CSMD3: variants seen among roughly 807,000 people sequenced by gnomAD.
CSMD3 encodes the protein CUB and Sushi multiple domains 3, also known as CUB and sushi domain-containing protein 3.
In CSMD3, 177 loss-of-function variants were observed where a neutral mutation model predicts 435.2. The ratio of observed to expected loss-of-function variants is 0.41; its 90% CI spans 0.36 to 0.46. The LOEUF (loss-of-function observed/expected upper bound fraction) is 0.46. Ranked by LOEUF, CSMD3 falls within the 20% of genes least tolerant of loss-of-function variation. The probability of loss-of-function intolerance (pLI) is 0.34; values close to 1 mark genes in which losing one functional copy is unlikely to be tolerated. For synonymous variants in CSMD3, 1,656 were observed against 1,520.5 expected (o/e 1.09, Z -2.07); for missense variants, 4,265 against 4,504.6 (o/e 0.95, Z 1.52).
chr8:112,842,894 G>A (rs745536212), intron 11 of CSMD3, among the ~76,000 whole-genome samples: 36 of 151,576 alleles, frequency 2.4e-4, no homozygotes, highest in Non-Finnish European at 4.6e-4. Context: ...TTAAACTCTC[G>A]TGATGTTAAA....
At chr8:113,256,719 C>A (rs2093383737) in intron 3 of CSMD3, among the ~76,000 whole-genome samples, 1 of 152,138 alleles carries the variant, frequency 6.6e-6, no homozygotes, top group Admixed American at 6.5e-5. Context: ...GCAACAATTA[C>A]AACTTTTACT....
intron 27 of CSMD3, among the ~76,000 whole-genome samples, chr8:112,517,704 A>G (rs1823825521): frequency 6.6e-6 from 1 of 152,184 alleles, no homozygotes; most frequent in African/African-American, 2.4e-5. Context: ...TAAAACCACA[A>G]TGAGATACTA....
At chr8:113,227,998 T>C (rs2093046548) in intron 3 of CSMD3, among the ~76,000 whole-genome samples, 2 of 151,618 alleles carry the variant, frequency 1.3e-5, no homozygotes, top group Admixed American at 1.3e-4. Context: ...ATCTGTGTTC[T>C]TAGGTCATTT....
At chr8:113,156,733 T>TAAAC (rs1011559114) in intron 4 of CSMD3, among the ~76,000 whole-genome samples, 2 of 56,188 alleles carry the variant, frequency 3.6e-5, no homozygotes, top group African/African-American at 1.8e-4. Context: ...AAATCTCACC[T>TAAAC]AAATAAATAA....
intron 1 of CSMD3, among the ~76,000 whole-genome samples, chr8:113,430,353 C>T (rs2094664275): frequency 6.7e-6 from 1 of 149,664 alleles, no homozygotes; most frequent in Non-Finnish European, 1.5e-5. Flanking sequence ...CCCTATAAAC[C>T]CCCGATATTG....
intron 32 of CSMD3, among the ~76,000 whole-genome samples, chr8:112,427,794 G>C (rs10097860): frequency 0.44 from 67,369 of 151,888 alleles, 15,616 homozygotes; most frequent in Middle Eastern, 0.61. Context: ...TTCTAAATGT[G>C]TCTTGATTCT....
intron 5 of CSMD3, among the ~76,000 whole-genome samples, chr8:113,085,740 T>C (rs1447080499): frequency 1.3e-5 from 2 of 152,194 alleles, no homozygotes; most frequent in Admixed American, 6.5e-5. Context: ...TGCTCATAGA[T>C]GTAGAGTAAT....
intron 3 of CSMD3, among the ~76,000 whole-genome samples, chr8:113,271,737 G>A (rs1378253431): frequency 6.6e-6 from 1 of 152,150 alleles, no homozygotes; most frequent in Non-Finnish European, 1.5e-5. Flanking sequence ...CACTTAGTGA[G>A]CTGTGAGAAG....
intron 11 of CSMD3, among the ~76,000 whole-genome samples, chr8:112,836,799 T>A (rs1197104631): frequency 6.6e-6 from 1 of 151,804 alleles, no homozygotes; most frequent in Non-Finnish European, 1.5e-5. Context: ...AGGTTTCCCA[T>A]ATGTAAACTG....
intron 1 of CSMD3, among the ~76,000 whole-genome samples, chr8:113,420,312 A>G (rs760295161): frequency 1.3e-5 from 2 of 152,104 alleles, no homozygotes; most frequent in Non-Finnish European, 2.9e-5. Flanking sequence ...TAAATGAAGG[A>G]GGAGATTCAG....
chr8:113,215,604 T>G (rs2092894804), intron 3 of CSMD3, among the ~76,000 whole-genome samples: 1 of 151,868 alleles, frequency 6.6e-6, no homozygotes, highest in African/African-American at 2.4e-5. Flanking sequence ...TTTCTAAAAG[T>G]TGTTTACTCT....
chr8:113,154,181 A>T (rs1392753299), intron 4 of CSMD3, among the ~76,000 whole-genome samples: 5 of 152,166 alleles, frequency 3.3e-5, no homozygotes, highest in Admixed American at 3.3e-4. Flanking sequence ...TTTAAGAGGA[A>T]AATTACCTAC....
intron 20 of CSMD3, among the ~76,000 whole-genome samples, chr8:112,640,838 AG>A (rs1237078052): frequency 1.3e-5 from 2 of 152,128 alleles, no homozygotes; most frequent in Non-Finnish European, 2.9e-5. Context: ...TATAAAGCTA[AG>A]AAAAAAATAG....
intron 1 of CSMD3, among the ~76,000 whole-genome samples, chr8:113,335,505 T>A (rs1327961836): frequency 6.8e-6 from 1 of 146,742 alleles, no homozygotes; most frequent in African/African-American, 2.5e-5. Context: ...TATTTACTAC[T>A]CCTTGCTCTG....
chr8:112,707,387 G>T (rs935660962), intron 13 of CSMD3, among the ~76,000 whole-genome samples: 1 of 151,684 alleles, frequency 6.6e-6, no homozygotes, highest in African/African-American at 2.4e-5. Flanking sequence ...TAAAATTAAA[G>T]GGCTATCAGC....
intron 10 of CSMD3, among the ~76,000 whole-genome samples, chr8:112,907,043 G>A (rs893102930): frequency 2.0e-5 from 3 of 151,504 alleles, no homozygotes. Flanking sequence ...AATTTGTGGA[G>A]AAACTACTGG....
chr8:113,109,156 T>C (rs1387142301), intron 4 of CSMD3, among the ~76,000 whole-genome samples: 1 of 152,242 alleles, frequency 6.6e-6, no homozygotes, highest in Non-Finnish European at 1.5e-5. Context: ...CAACGCTTGA[T>C]TTATGACAAC....
intron 27 of CSMD3, among the ~76,000 whole-genome samples, 170 bp downstream of exon 27, chr8:112,550,501 C>T (rs1381553170): frequency 6.6e-6 from 1 of 151,746 alleles, no homozygotes; most frequent in African/African-American, 2.4e-5. Flanking sequence ...AGTTGTATTA[C>T]CTTTTTCCCA....
chr8:113,102,690 G>A (rs1277317879), intron 4 of CSMD3, among the ~76,000 whole-genome samples: 1 of 152,090 alleles, frequency 6.6e-6, no homozygotes, highest in Non-Finnish European at 1.5e-5. Flanking sequence ...GCAGAGGGAA[G>A]GGTGTTCCTG....
Sources: gnomAD v4.1 joint callset for allele counts (sites outside exome capture counted in the v4.1 genomes callset) on GRCh38, gnomAD v4.1.1 for gene constraint, MANE v1.5 for transcripts, NCBI Gene and HGNC (gene_info 2026-07-23, HGNC 2026-07-21) for gene names.